Variants in ADGRF5 observed in about 807,000 individuals in gnomAD.
ADGRF5 encodes the protein G-protein coupled receptor 116.
Under a neutral mutation model 132.3 loss-of-function variants are expected in ADGRF5, and 75 were observed. That is an observed-to-expected ratio of 0.57 (90% CI 0.47 to 0.69). ADGRF5 has a LOEUF of 0.69. ADGRF5 is among the 30% of genes least tolerant of loss of function. The pLI is 0.00. For synonymous variants in ADGRF5, 629 were observed against 597.6 expected, an observed-to-expected ratio of 1.05 and a Z score of -0.77; for missense variants, 1,516 against 1,630.6, an observed-to-expected ratio of 0.93 and a Z score of 1.21.
intron 11 of ADGRF5, among the ~76,000 whole-genome samples, chr6:46,870,504 T>A (rs922935920): frequency 1.3e-5 from 2 of 152,158 alleles, no homozygotes; most frequent in African/African-American, 4.8e-5. Context: ...TCAGGGCTTT[T>A]TACAGTTACC....
At chr6:46,897,484 C>T (rs1774305108) in intron 3 of ADGRF5, among the ~76,000 whole-genome samples, 1 of 152,048 alleles carries the variant, frequency 6.6e-6, no homozygotes, top group Non-Finnish European at 1.5e-5. Context: ...ACTAACACAC[C>T]CACCAAGCAG....
At chr6:46,910,705 CCAAA>C (rs1284481323) in intron 1 of ADGRF5, among the ~76,000 whole-genome samples, 21 of 148,644 alleles carry the variant, frequency 1.4e-4, no homozygotes, top group African/African-American at 2.9e-4. Flanking sequence ...AACCAACCAA[CCAAA>C]CAAACAAACA....
intron 1 of ADGRF5, among the ~76,000 whole-genome samples, chr6:46,944,352 T>C (rs1778216305): frequency 6.6e-6 from 1 of 152,236 alleles, no homozygotes; most frequent in South Asian, 2.1e-4. Flanking sequence ...GGCTCTCCCA[T>C]GGCTCATGTC....
intron 1 of ADGRF5, among the ~76,000 whole-genome samples, chr6:46,941,902 T>G (rs965571397): frequency 2.6e-5 from 4 of 152,236 alleles, no homozygotes; most frequent in Non-Finnish European, 5.9e-5. Context: ...TCTCTTCCGC[T>G]TTATTGAGGT....
At chr6:46,878,111 G>T (rs1436770772) in intron 10 of ADGRF5, 91 bp downstream of exon 10, 2 of 821,006 alleles carry the variant, frequency 2.4e-6, no homozygotes, top group East Asian at 2.5e-5. Context: ...ACAGCCATCT[G>T]ACATTTCCCC....
chr6:46,862,900 G>A lies in ADGRF5; in HGVS notation c.2187C>T (p.Leu729=). The change falls in exon 15 of 21, where the codon CTC becomes CTT. Residue 729 remains leucine, a synonymous_variant. Transcript: ENST00000283296. The part of the protein sequence containing the change: ...DCISAPINSL[L]QMAKALIKSP... Reference sequence around the variant, plus strand: ...CTTTAAGGATCACCTTAGCCATCTGGAGCAGACTGTTTATTGGGGCAGAGA... The same window carrying A: ...CTTTAAGGATCACCTTAGCCATCTGAAGCAGACTGTTTATTGGGGCAGAGA... The A allele has an allele frequency of 6.2e-7, 1 of 1,609,458 alleles. No individual in the cohort carries two copies. Among genetic ancestry groups the A allele is most frequent in the Middle Eastern group, 1.7e-4 (1 of 5,872 alleles).
At chr6:46,874,555 G>T (rs1385748796) in intron 10 of ADGRF5, among the ~76,000 whole-genome samples, 2 of 152,170 alleles carry the variant, frequency 1.3e-5, no homozygotes, top group Admixed American at 1.3e-4. Context: ...TCAGAGAAGG[G>T]GAAGATTTGC....
rs542824245 is a variant in ADGRF5 at position 46,856,740 on chromosome 6, C to T, written c.3854G>A (p.Arg1285Lys). 1 of 1,552,380 alleles carries T rather than the reference C, an allele frequency of 6.4e-7. No homozygotes were observed. The highest frequency in any genetic ancestry group is 2.2e-5 in the East Asian group (1 of 44,518). The change falls in exon 19 of 21, where the codon AGA becomes AAA. Residue 1285 changes from arginine to lysine, a missense_variant. Physicochemically the swap from Arg to Lys is conservative, Grantham distance 26. Coordinates refer to ENST00000283296, the MANE Select transcript of ADGRF5 (RefSeq NM_001098518.2). The stretch of plus-strand genomic sequence containing the variant: ...TACCTTTGAGTGCTGTGAAGACCAT[C>T]TCGACAATGAAAACTTATTCAGCAA... ...EALLNKFSLS[R>K]WSSQHSKSTS... is the part of the protein sequence containing the mutation.
intron 6 of ADGRF5, 120 bp from the exon 7 acceptor site, chr6:46,882,227 C>CCTAGA: frequency 1.3e-6 from 1 of 772,500 alleles, no homozygotes; most frequent in Non-Finnish European, 2.3e-6. Context: ...TATCTTCTGT[C>CCTAGA]TATTTTGTTA....
At chr6:46,864,028 C>A (rs1770084539) in intron 14 of ADGRF5, among the ~76,000 whole-genome samples, 1 of 152,166 alleles carries the variant, frequency 6.6e-6, no homozygotes, top group African/African-American at 2.4e-5. Context: ...TCAGTAAACT[C>A]AAACAATCTT....
intron 1 of ADGRF5, among the ~76,000 whole-genome samples, chr6:46,915,918 G>A (rs1324201460): frequency 6.6e-6 from 1 of 152,054 alleles, no homozygotes; most frequent in East Asian, 1.9e-4. Flanking sequence ...CTCCATTTGT[G>A]CATGGCCTCC....
chr6:46,882,502 T>C (rs766956510), intron 6 of ADGRF5, among the ~76,000 whole-genome samples: 4 of 152,120 alleles, frequency 2.6e-5, no homozygotes, highest in Non-Finnish European at 2.9e-5. Context: ...CAGACACAGA[T>C]GTGTTGTGCC....
At chr6:46,917,892 T>C (rs967283735) in intron 1 of ADGRF5, among the ~76,000 whole-genome samples, 2 of 152,254 alleles carry the variant, frequency 1.3e-5, no homozygotes, top group Non-Finnish European at 2.9e-5. Flanking sequence ...GAACTTCAAG[T>C]ATAATAATTA....
chr6:46,926,067 G>C (rs76976643), upstream of ADGRF5, among the ~76,000 whole-genome samples: 5 of 152,190 alleles, frequency 3.3e-5, no homozygotes, highest in Non-Finnish European at 7.4e-5. Flanking sequence ...GCAAATAATC[G>C]GGCAGTTTCA....
chr6:46,911,973 TA>T (rs1279350347), intron 1 of ADGRF5, among the ~76,000 whole-genome samples: 2 of 152,180 alleles, frequency 1.3e-5, no homozygotes, highest in Non-Finnish European at 2.9e-5. Context: ...GGACTTACTA[TA>T]TACCAGGCAC....
At chr6:46,952,335 G>A (rs1401415688) in intron 1 of ADGRF5, among the ~76,000 whole-genome samples, 3 of 152,206 alleles carry the variant, frequency 2.0e-5, no homozygotes, top group South Asian at 4.1e-4. Context: ...TCCTCCAGAT[G>A]AGCGCTGCAT....
At chr6:46,888,056 G>T in intron 4 of ADGRF5, 1 of 260,722 alleles carries the variant, frequency 3.8e-6, no homozygotes, top group Non-Finnish European at 6.8e-6. Context: ...AGTTTATTAT[G>T]AAGGACCTGG....
intron 13 of ADGRF5, 87 bp downstream of exon 13, chr6:46,866,838 T>G: frequency 1.4e-6 from 1 of 734,968 alleles, no homozygotes. Flanking sequence ...CAATCCTATG[T>G]CTCTTGATCC....
At chr6:46,870,434 A>G (rs1439920494) in intron 11 of ADGRF5, among the ~76,000 whole-genome samples, 7 of 152,188 alleles carry the variant, frequency 4.6e-5, no homozygotes, top group Non-Finnish European at 1.0e-4. Flanking sequence ...TGCTGGGATT[A>G]CAGGCATAAG....
Sources: allele counts gnomAD v4.1 joint callset (sites outside exome capture counted in the v4.1 genomes callset), GRCh38; gene constraint gnomAD v4.1.1; transcripts MANE v1.5; gene names NCBI Gene and HGNC (gene_info 2026-07-23, HGNC 2026-07-21).